The following IQCM variants were observed in gnomAD, a reference collection of about 807,000 sequenced individuals.
IQCM encodes the protein IQ motif containing M, also known as IQ domain-containing protein M.
In IQCM, 45 loss-of-function variants were observed where a neutral mutation model predicts 57.6. That is an observed-to-expected ratio of 0.78 (90% CI 0.62 to 1.00). The LOEUF is 1.00. IQCM is among the 50% of genes least tolerant of loss of function. The pLI is 0.00. For missense variants in IQCM, 468 were observed against 511.6 expected (o/e 0.91, Z 0.82); for synonymous variants, 148 against 158.9 (o/e 0.93, Z 0.51).
At chr4:149,584,214 T>G (rs1020964272) in intron 9 of IQCM, among the ~76,000 whole-genome samples, 1 of 151,556 alleles carries the variant, frequency 6.6e-6, no homozygotes, top group African/African-American at 2.4e-5. Flanking sequence ...TAAACTTCTT[T>G]TCCTTTAAAA....
At chr4:149,460,599 G>A (rs921167274) in intron 12 of IQCM, among the ~76,000 whole-genome samples, 1 of 151,894 alleles carries the variant, frequency 6.6e-6, no homozygotes, top group African/African-American at 2.4e-5. Flanking sequence ...GTAACAGGTA[G>A]AGCATCACAT....
chr4:149,649,028 A>T (rs1300178148), intron 7 of IQCM, among the ~76,000 whole-genome samples: 1 of 152,150 alleles, frequency 6.6e-6, no homozygotes, highest in Non-Finnish European at 1.5e-5. Flanking sequence ...ATCATCTTAA[A>T]CTACATTATA....
intron 2 of IQCM, among the ~76,000 whole-genome samples, chr4:149,781,702 G>A (rs1286232149): frequency 6.6e-6 from 1 of 152,148 alleles, no homozygotes; most frequent in Non-Finnish European, 1.5e-5. Context: ...GACATCTGCT[G>A]GGGGTCTTGG....
intron 13 of IQCM, among the ~76,000 whole-genome samples, chr4:149,357,346 GT>G (rs1224058855): frequency 6.6e-6 from 1 of 152,134 alleles, no homozygotes; most frequent in Non-Finnish European, 1.5e-5. Context: ...AATGCTTCCA[GT>G]TTTTGTCCAT....
intron 8 of IQCM, among the ~76,000 whole-genome samples, chr4:149,598,239 G>A (rs1021782145): frequency 5.9e-5 from 9 of 152,110 alleles, no homozygotes; most frequent in African/African-American, 2.2e-4. Context: ...AACAAACAAC[G>A]ACACAATGAA....
intron 7 of IQCM, among the ~76,000 whole-genome samples, chr4:149,643,385 T>TTA (rs1758370739): frequency 6.6e-6 from 1 of 152,192 alleles, no homozygotes; most frequent in African/African-American, 2.4e-5. Context: ...TGCTAAGTGT[T>TTA]ATCATAGATG....
intron 5 of IQCM, among the ~76,000 whole-genome samples, chr4:149,700,894 A>T (rs1763716278): frequency 6.6e-6 from 1 of 152,064 alleles, no homozygotes; most frequent in Non-Finnish European, 1.5e-5. Flanking sequence ...GAGCAAAAGA[A>T]ACATAAAATC....
At chr4:149,650,308 G>C (rs1268127033) in intron 7 of IQCM, among the ~76,000 whole-genome samples, 1 of 151,978 alleles carries the variant, frequency 6.6e-6, no homozygotes, top group Non-Finnish European at 1.5e-5. Context: ...AACATCACGG[G>C]CTACCAGAAG....
intron 2 of IQCM, among the ~76,000 whole-genome samples, chr4:149,792,080 A>G (rs1772674180): frequency 6.6e-6 from 1 of 152,264 alleles, no homozygotes. Flanking sequence ...AACATTTTCC[A>G]TAAGTCTATG....
intron 12 of IQCM, among the ~76,000 whole-genome samples, chr4:149,510,201 A>T (rs1430751188): frequency 6.6e-6 from 1 of 152,082 alleles, no homozygotes; most frequent in Non-Finnish European, 1.5e-5. Context: ...CGATTATCTC[A>T]TTGTTTTAAT....
chr4:149,548,536 C>A lies in IQCM; in HGVS notation c.1147G>T (p.Glu383Ter). 8.1e-7 allele frequency: 1 copy of A among 1,230,596 alleles called. No homozygotes were observed. Among genetic ancestry groups the A allele is most frequent in the Non-Finnish European group, 1.0e-6 (1 of 986,632 alleles). The allele number at this position is 1,230,596 out of a possible 1,614,324, so 76.2% of individuals were successfully genotyped here. A position where few individuals can be genotyped will look rare whatever the true frequency, so the allele number is the denominator to read the frequency against. ...CAGTCACTGAAGAAATTGGGGAGCT[C>A]ATTTCTTTCAATTTTTGGCCAATCT... The part of the protein sequence containing the change: ...REDWPKIERN[E>*]LPNFFSDCGH... The change falls in exon 12 of 14, where the codon GAG becomes TAG. Residue 383 changes from glutamate to a stop codon, truncating the protein, a stop_gained. Coordinates refer to ENST00000636793, the MANE Select transcript of IQCM (RefSeq NM_001363507.2). LOFTEE classifies it high-confidence loss of function.
intron 13 of IQCM, among the ~76,000 whole-genome samples, chr4:149,376,745 A>G (rs572138586): frequency 6.6e-6 from 1 of 152,276 alleles, no homozygotes; most frequent in Non-Finnish European, 1.5e-5. Flanking sequence ...AAAATTAAAC[A>G]TATTTTTTGG....
In IQCM at chr4:149,356,147, G is replaced by A. The variant is rs567604300; in HGVS notation, c.1391-4081C>T. On this transcript the variant is annotated intron_variant, in intron 13 of 13. Coordinates refer to ENST00000636793, the MANE Select transcript of IQCM (RefSeq NM_001363507.2). ...TCATCGTAGATTCTGGATATTAGCC[G>A]TTTGTCAGATGAGTAAGTTGCAAAA... Among the ~76,000 whole-genome samples, 88 of 152,156 alleles carry A rather than the reference G, an allele frequency of 5.8e-4. 1 individual carries two copies. The South Asian group carries it at 1.0e-2, about 17-fold the overall frequency.
At chr4:149,652,226 C>T (rs1759249218) in intron 7 of IQCM, among the ~76,000 whole-genome samples, 1 of 151,994 alleles carries the variant, frequency 6.6e-6, no homozygotes, top group Non-Finnish European at 1.5e-5. Context: ...TGTTCTCACT[C>T]ATAAGTAGGA....
At chr4:149,547,216 T>G (rs1748534058) in intron 12 of IQCM, among the ~76,000 whole-genome samples, 1 of 152,168 alleles carries the variant, frequency 6.6e-6, no homozygotes, top group African/African-American at 2.4e-5. Context: ...CTGTTTTGGT[T>G]ACTGTAGCCT....
chr4:149,407,928 C>T (rs577279924), intron 13 of IQCM, among the ~76,000 whole-genome samples: 1 of 152,290 alleles, frequency 6.6e-6, no homozygotes, highest in South Asian at 2.1e-4. Context: ...TATCTCCATA[C>T]AGTTTTGTTG....
chr4:149,596,754 G>A (rs1054722850), intron 8 of IQCM, among the ~76,000 whole-genome samples: 4 of 151,984 alleles, frequency 2.6e-5, no homozygotes, highest in South Asian at 2.1e-4. Context: ...CTGTAATGCC[G>A]TACAAATCTG....
At chr4:149,409,612 A>T (rs903134614) in intron 13 of IQCM, among the ~76,000 whole-genome samples, 55 of 152,206 alleles carry the variant, frequency 3.6e-4, no homozygotes, top group African/African-American at 1.3e-3. Flanking sequence ...AACTGTTTTT[A>T]TAAATAAAAG....
At chr4:149,394,240 T>C (rs1732063744) in intron 13 of IQCM, among the ~76,000 whole-genome samples, 1 of 152,112 alleles carries the variant, frequency 6.6e-6, no homozygotes, top group South Asian at 2.1e-4. Context: ...ATATCTTAAA[T>C]GTCTGAAAAT....
Sources: allele counts gnomAD v4.1 joint callset (sites outside exome capture counted in the v4.1 genomes callset), GRCh38; gene constraint gnomAD v4.1.1; transcripts MANE v1.5; gene names NCBI Gene and HGNC (gene_info 2026-07-23, HGNC 2026-07-21).